Variants in A1CF observed in about 807,000 individuals in gnomAD.
The protein encoded by A1CF is APOBEC-1 stimulating protein.
Under a neutral mutation model 68.9 loss-of-function variants are expected in A1CF, and 48 were observed. That is an observed-to-expected ratio of 0.70 (90% CI 0.55 to 0.89). A1CF has a LOEUF of 0.89. Ranked by LOEUF, A1CF falls within the 40% of genes least tolerant of loss-of-function variation. The pLI is 0.00. For missense variants in A1CF, 653 were observed against 718.9 expected (o/e 0.91, Z 1.05); for synonymous variants, 272 against 260.4 (o/e 1.04, Z -0.43).
chr10:50,821,265 G>T (rs1231035252), intron 7 of A1CF, among the ~76,000 whole-genome samples: 1 of 152,102 alleles, frequency 6.6e-6, no homozygotes. Flanking sequence ...TGGGAACAAA[G>T]ATAAGTTGCC....
intron 7 of A1CF, 75 bp from the exon 8 acceptor site, chr10:50,820,724 C>A: frequency 8.2e-7 from 1 of 1,225,740 alleles, no homozygotes; most frequent in Non-Finnish European, 1.1e-6. Context: ...TAGCATCTAG[C>A]TGCAAAGAGT....
Position 50,836,054 on chromosome 10 carries a change from T to C in A1CF, c.604+20A>G. ...CAGGATAGGCAGAGAAGTCTCATCT[T>C]TGAGGAGGGGATTGCTAACCTGGTA... On this transcript the variant is annotated intron_variant, in intron 6 of 12. Transcript: ENST00000373997. 6.4e-7 allele frequency: 1 copy of C among 1,574,034 alleles called. No individual in the cohort carries two copies. The highest frequency in any genetic ancestry group is 8.6e-7 in the Non-Finnish European group (1 of 1,159,512).
chr10:50,858,066 C>T (rs901316012), intron 3 of A1CF, among the ~76,000 whole-genome samples: 19 of 152,056 alleles, frequency 1.2e-4, no homozygotes, highest in Admixed American at 9.2e-4. Flanking sequence ...ATTGTAGTTA[C>T]CAAACTGGTG....
chr10:50,857,570 A>C (rs894451195), intron 3 of A1CF, among the ~76,000 whole-genome samples: 3 of 152,110 alleles, frequency 2.0e-5, no homozygotes, highest in African/African-American at 7.2e-5. Context: ...AGTTCCCCCT[A>C]AGTGGGAGGA....
At chr10:50,850,720 A>G (rs1311286447) in intron 3 of A1CF, 1 of 1,614,098 alleles carries the variant, frequency 6.2e-7, no homozygotes, top group Non-Finnish European at 8.5e-7. Flanking sequence ...TCCTTTTTTG[A>G]GGCCAGGAAT....
chr10:50,829,504 C>T (rs1170641105), intron 6 of A1CF, among the ~76,000 whole-genome samples: 1 of 152,072 alleles, frequency 6.6e-6, no homozygotes, highest in Non-Finnish European at 1.5e-5. Context: ...TCTTTATATT[C>T]CTTGAAAAGC....
intron 1 of A1CF, among the ~76,000 whole-genome samples, chr10:50,877,628 C>T (rs2132614823): frequency 6.6e-6 from 1 of 152,344 alleles, no homozygotes; most frequent in South Asian, 2.1e-4. Context: ...TGCTAATTTA[C>T]ATGCATCATC....
At position 50,810,021 on chromosome 10, in the gene A1CF, C is replaced by G. The variant is rs752436772; in HGVS notation, c.1482G>C (p.Lys494Asn). The change falls in exon 12 of 13, where the codon AAG (lysine) becomes AAC (asparagine). Residue 494 changes from lysine to asparagine, a missense_variant. By Grantham distance (94) the Lys-to-Asn change is moderately conservative. Transcript: ENST00000373997. ...NPAIHPFTPP[K>N]LSAFVDEAKT... ...TTGCTTCATCCACAAAGGCACTCAG[C>G]TTTGGAGGTGTGAAAGGGTGGCTGG... is the stretch of plus-strand genomic sequence containing the variant. 1.9e-6 allele frequency: 3 copies of G among 1,613,772 alleles called. No homozygotes were observed. The African/African-American group carries it at 4.0e-5, about 22-fold the overall frequency.
chr10:50,885,457 A>G (rs1841962486), intron 1 of A1CF, 124 bp downstream of exon 1: 1 of 152,224 alleles, frequency 6.6e-6, no homozygotes, highest in South Asian at 2.1e-4. Context: ...CAAGCTAGAT[A>G]ATTCTTTGAA....
chr10:50,880,127 A>C (rs76693236), intron 1 of A1CF, among the ~76,000 whole-genome samples: 8 of 152,272 alleles, frequency 5.3e-5, no homozygotes, highest in African/African-American at 1.7e-4. Context: ...TGGGGAACCC[A>C]ACTTGCTTTT....
intron 3 of A1CF, among the ~76,000 whole-genome samples, chr10:50,851,357 A>T (rs975956152): frequency 6.6e-6 from 1 of 152,208 alleles, no homozygotes; most frequent in African/African-American, 2.4e-5. Context: ...GAGTTAGTCA[A>T]TTGGAGCCTT....
At position 50,805,849 on chromosome 10, in the gene A1CF, T is replaced by G. The variant is rs1751363078; in HGVS notation, c.*880A>C. 2.0e-5 allele frequency: 3 copies of G among 152,330 alleles called. No individual in the cohort carries two copies. In the South Asian group the frequency reaches 6.2e-4, roughly 32 times the overall value. The allele number at this position is 152,330 out of a possible 1,614,324, so 9.4% of individuals were successfully genotyped here. ...AAAGGAAGAAGTATCATAAATGATA[T>G]TCTGTATATCTGATTTACTTTTTTA... On this transcript the variant is annotated 3_prime_UTR_variant, in exon 13 of 13. Transcript: ENST00000373997.
At chr10:50,840,030 C>A (rs1308884237) in intron 5 of A1CF, among the ~76,000 whole-genome samples, 1 of 152,220 alleles carries the variant, frequency 6.6e-6, no homozygotes, top group Non-Finnish European at 1.5e-5. Flanking sequence ...GCGTGAGTCA[C>A]TGTGTCCGGC....
At chr10:50,822,997 A>T (rs530632729) in intron 7 of A1CF, 2 of 152,084 alleles carry the variant, frequency 1.3e-5, no homozygotes, top group African/African-American at 4.8e-5. Context: ...ATAAATACAC[A>T]TGGAATAAGG....
At chr10:50,866,958 T>C (rs1051211855) in intron 1 of A1CF, among the ~76,000 whole-genome samples, 4 of 151,390 alleles carry the variant, frequency 2.6e-5, no homozygotes, top group Admixed American at 6.6e-5. Context: ...CAAGCAGTCT[T>C]CCCATCTCGG....
chr10:50,862,365 C>CA (rs944877613), intron 2 of A1CF, among the ~76,000 whole-genome samples: 84 of 140,302 alleles, frequency 6.0e-4, no homozygotes, highest in South Asian at 2.3e-3. Context: ...GACTCTGTTT[C>CA]AAAAAAAAAA....
rs907929956 is a variant in A1CF, at chr10:50,805,024, A to G, written c.*1705T>C. The stretch of plus-strand genomic sequence containing the variant: ...ATATTAGACGCTAAATGTAAAGTAG[A>G]AAGCACAGGGCCTTTCAGAGTTTCA... On this transcript the variant is annotated 3_prime_UTR_variant, in exon 13 of 13. Coordinates refer to ENST00000373997, the MANE Select transcript of A1CF (RefSeq NM_014576.4). 9.2e-5 allele frequency: 14 copies of G among 152,232 alleles called. No individual in the cohort carries two copies. The highest frequency in any genetic ancestry group is 1.8e-4 in the Non-Finnish European group (12 of 68,042). The allele number at this position is 152,232 out of a possible 1,614,324, so 9.4% of individuals were successfully genotyped here. A position where few individuals can be genotyped will look rare whatever the true frequency, so the allele number is the denominator to read the frequency against.
intron 3 of A1CF, among the ~76,000 whole-genome samples, chr10:50,845,273 T>C (rs1275352956): frequency 6.6e-6 from 1 of 152,196 alleles, no homozygotes; most frequent in African/African-American, 2.4e-5. Flanking sequence ...GAAATACTTA[T>C]GCTTATAGAA....
intron 3 of A1CF, among the ~76,000 whole-genome samples, chr10:50,847,425 C>T (rs1430794375): frequency 6.6e-6 from 1 of 152,128 alleles, no homozygotes; most frequent in East Asian, 1.9e-4. Context: ...TTGGAAATTT[C>T]CTCCTATCAC....
Sources: allele counts gnomAD v4.1 joint callset (sites outside exome capture counted in the v4.1 genomes callset), GRCh38; gene constraint gnomAD v4.1.1; transcripts MANE v1.5; gene names NCBI Gene and HGNC (gene_info 2026-07-23, HGNC 2026-07-21).